The following CSMD3 variants were observed in gnomAD, a reference collection of about 807,000 sequenced individuals.
CSMD3 encodes the protein CUB and sushi domain-containing protein 3.
In CSMD3, 177 loss-of-function variants were observed where a neutral mutation model predicts 435.2. The ratio of observed to expected loss-of-function variants is 0.41; its 90% CI spans 0.36 to 0.46. The LOEUF (loss-of-function observed/expected upper bound fraction) is 0.46, where lower values mean the gene tolerates loss of function less well. Ranked by LOEUF, CSMD3 falls within the 20% of genes least tolerant of loss-of-function variation. The pLI, the probability that CSMD3 is intolerant of heterozygous loss-of-function variation, is 0.34. For synonymous variants in CSMD3, 1,656 were observed against 1,520.5 expected, an observed-to-expected ratio of 1.09 and a Z score of -2.07; for missense variants, 4,265 against 4,504.6, an observed-to-expected ratio of 0.95 and a Z score of 1.52.
intron 11 of CSMD3, among the ~76,000 whole-genome samples, chr8:112,835,030 A>T (rs532758513): frequency 5.9e-5 from 9 of 151,868 alleles, no homozygotes; most frequent in Non-Finnish European, 1.0e-4. Flanking sequence ...TGAAATGGTA[A>T]TTCCAACTGG....
chr8:112,361,116 T>C (rs543976931), intron 38 of CSMD3, among the ~76,000 whole-genome samples: 130 of 152,074 alleles, frequency 8.5e-4, no homozygotes, highest in African/African-American at 3.0e-3. Flanking sequence ...TCTCTTCTGC[T>C]TAACCAAGGC....
chr8:112,542,216 A>G (rs1305977823), intron 27 of CSMD3, among the ~76,000 whole-genome samples: 2 of 151,640 alleles, frequency 1.3e-5, no homozygotes, highest in Non-Finnish European at 2.9e-5. Context: ...GGAAAAAAAA[A>G]AAAACTGAGA....
At chr8:113,077,782 T>C (rs1445927746) in intron 5 of CSMD3, among the ~76,000 whole-genome samples, 1 of 152,276 alleles carries the variant, frequency 6.6e-6, no homozygotes, top group East Asian at 1.9e-4. Context: ...AATAGGAGCA[T>C]AATTGATCTC....
chr8:112,582,597 G>A (rs1233487397), intron 23 of CSMD3, among the ~76,000 whole-genome samples: 1 of 147,608 alleles, frequency 6.8e-6, no homozygotes, highest in East Asian at 2.0e-4. Flanking sequence ...CTTATAATGA[G>A]ATGAGGAACA....
chr8:112,341,844 G>T (rs760883654), intron 41 of CSMD3, among the ~76,000 whole-genome samples, 158 bp from the exon 42 acceptor site: 6 of 152,206 alleles, frequency 3.9e-5, no homozygotes, highest in Admixed American at 2.0e-4. Context: ...GTCTGCCTAG[G>T]ACAGGTAACT....
intron 62 of CSMD3, 92 bp downstream of exon 62, chr8:112,255,162 C>A (rs2130270466): frequency 9.5e-7 from 1 of 1,050,020 alleles, no homozygotes; most frequent in Non-Finnish European, 1.4e-6. Flanking sequence ...TATATTAAGC[C>A]AACTATAGGT....
At chr8:112,668,904 G>T (rs917400534) in intron 16 of CSMD3, among the ~76,000 whole-genome samples, 73 of 151,596 alleles carry the variant, frequency 4.8e-4, no homozygotes, top group African/African-American at 1.7e-3. Context: ...TAGATAACAT[G>T]CAGGAGAAAG....
chr8:112,537,831 A>G (rs1380628594), intron 27 of CSMD3, among the ~76,000 whole-genome samples: 4 of 152,034 alleles, frequency 2.6e-5, no homozygotes, highest in African/African-American at 9.7e-5. Context: ...TTCTAATCAC[A>G]CTATTTCAAA....
intron 3 of CSMD3, among the ~76,000 whole-genome samples, chr8:113,192,703 T>A (rs1210525621): frequency 6.6e-6 from 1 of 151,656 alleles, no homozygotes; most frequent in Non-Finnish European, 1.5e-5. Flanking sequence ...TTTGTTCTTA[T>A]TTCTATAGAA....
chr8:113,399,948 G>GTGTATA (rs1554629847), intron 1 of CSMD3, among the ~76,000 whole-genome samples: 3 of 148,926 alleles, frequency 2.0e-5, no homozygotes, highest in African/African-American at 7.4e-5. Context: ...TCTATTCTGT[G>GTGTATA]TATATATATA....
chr8:112,594,920 C>T (rs1007939556), intron 22 of CSMD3, among the ~76,000 whole-genome samples: 16 of 151,818 alleles, frequency 1.1e-4, no homozygotes, highest in Non-Finnish European at 1.8e-4. Context: ...GGGGAAAAAA[C>T]AGAACAGAAA....
At chr8:113,263,366 A>G (rs567134066) in intron 3 of CSMD3, among the ~76,000 whole-genome samples, 1 of 152,138 alleles carries the variant, frequency 6.6e-6, no homozygotes, top group Admixed American at 6.6e-5. Flanking sequence ...ATAACTAATC[A>G]ATATTTAGTT....
rs555024789 is a variant in CSMD3, at chr8:113,364,647, GT to G, written c.179-49855del. On this transcript the variant is annotated intron_variant, in intron 1 of 70. Coordinates refer to ENST00000297405, the MANE Select transcript of CSMD3 (RefSeq NM_198123.2). ...TCTTGCTGCAGTAATTTAAGTGTGAGTTTTTTTCCTTATTGTTATATGTTCT... is the reference window on the plus strand; with the variant it reads ...TCTTGCTGCAGTAATTTAAGTGTGAGTTTTTTCCTTATTGTTATATGTTCT... 2.0e-5 allele frequency among the ~76,000 whole-genome samples: 3 copies of G among 152,092 alleles called. No homozygotes were observed. The East Asian group carries it at 5.8e-4, about 29-fold the overall frequency.
At chr8:113,213,620 T>C (rs2092865935) in intron 3 of CSMD3, among the ~76,000 whole-genome samples, 1 of 152,082 alleles carries the variant, frequency 6.6e-6, no homozygotes. Context: ...TTTAATATGA[T>C]TATTTTCTTT....
intron 13 of CSMD3, among the ~76,000 whole-genome samples, chr8:112,721,471 G>A (rs943549958): frequency 6.6e-6 from 1 of 152,130 alleles, no homozygotes; most frequent in Non-Finnish European, 1.5e-5. Context: ...AGCTACTCAG[G>A]AGGCTGAGGC....
chr8:113,289,580 G>C (rs186781271), intron 2 of CSMD3, among the ~76,000 whole-genome samples: 6 of 150,006 alleles, frequency 4.0e-5, no homozygotes, highest in Non-Finnish European at 4.4e-5. Context: ...GAGAGAGAGA[G>C]AGAGAGAGAA....
chr8:112,759,173 T>A (rs1020609883), intron 13 of CSMD3, among the ~76,000 whole-genome samples: 3 of 152,002 alleles, frequency 2.0e-5, no homozygotes, highest in Non-Finnish European at 4.4e-5. Flanking sequence ...TTAATAAAAG[T>A]CCTCCTTGGT....
intron 10 of CSMD3, among the ~76,000 whole-genome samples, chr8:112,900,130 G>C (rs958153878): frequency 2.0e-5 from 3 of 151,090 alleles, no homozygotes; most frequent in Admixed American, 6.6e-5. Flanking sequence ...AGAGCCATCA[G>C]GGCAGTCCTG....
At chr8:112,711,074 T>C (rs2076600070) in intron 13 of CSMD3, among the ~76,000 whole-genome samples, 1 of 152,086 alleles carries the variant, frequency 6.6e-6, no homozygotes, top group African/African-American at 2.4e-5. Flanking sequence ...TAAATATTTC[T>C]TATTTTATAG....
Sources: allele counts gnomAD v4.1 joint callset (sites outside exome capture counted in the v4.1 genomes callset), GRCh38; gene constraint gnomAD v4.1.1; transcripts MANE v1.5; gene names NCBI Gene and HGNC (gene_info 2026-07-23, HGNC 2026-07-21).